The following XRCC4 variants were observed in gnomAD, a reference collection of about 807,000 sequenced individuals.
XRCC4 encodes X-ray repair cross complementing 4, also known as DNA repair protein XRCC4.
Under a neutral mutation model 39.1 loss-of-function variants are expected in XRCC4, and 28 were observed. That is an observed-to-expected ratio of 0.72 (90% CI 0.53 to 0.98). The LOEUF (loss-of-function observed/expected upper bound fraction) is 0.98, where lower values mean the gene tolerates loss of function less well. XRCC4 is among the 50% of genes least tolerant of loss of function. XRCC4 has a pLI of 0.00. For synonymous variants in XRCC4, 123 were observed against 126.4 expected (o/e 0.97, Z 0.18); for missense variants, 350 against 376.4 (o/e 0.93, Z 0.58).
the XRCC4 span, among the ~76,000 whole-genome samples, chr5:83,366,629 CTG>C: frequency 6.6e-6 from 1 of 152,174 alleles, no homozygotes; most frequent in Non-Finnish European, 1.5e-5. Flanking sequence ...TTACAAGACT[CTG>C]AGAATAATCC....
rs1286116431 is a variant in XRCC4 at position 83,128,803 on chromosome 5, C to T, written c.315+17600C>T. Among the ~76,000 whole-genome samples, 17 of 152,162 alleles carry T rather than the reference C, an allele frequency of 1.1e-4. No homozygotes were observed. The South Asian group carries it at 1.9e-3, about 17-fold the overall frequency. ...AGAAGTGTCTGTTCATATCCTTTGC[C>T]CACTTTTTGATGGGGTTGTTTGATT... On this transcript the variant is annotated intron_variant, in intron 3 of 7. Coordinates refer to ENST00000396027, the MANE Select transcript of XRCC4 (RefSeq NM_003401.5).
intron 3 of XRCC4, among the ~76,000 whole-genome samples, chr5:83,121,868 ATACT>A (rs1360165911): frequency 6.7e-6 from 1 of 148,772 alleles, no homozygotes; most frequent in Non-Finnish European, 1.5e-5. Flanking sequence ...ATTTTTGTAC[ATACT>A]TTAAGGTATG....
At chr5:83,232,166 A>G (rs931910831) in intron 6 of XRCC4, among the ~76,000 whole-genome samples, 8 of 152,094 alleles carry the variant, frequency 5.3e-5, no homozygotes, top group Non-Finnish European at 1.0e-4. Flanking sequence ...TTTCAGAAAG[A>G]TAAACAGCCA....
intron 1 of XRCC4, among the ~76,000 whole-genome samples, chr5:83,092,876 T>C (rs1745492667): frequency 6.6e-6 from 1 of 151,908 alleles, no homozygotes; most frequent in South Asian, 2.1e-4. Context: ...AAACAAAATA[T>C]CTTCAAGAAA....
chr5:83,273,161 T>G (rs1174574041), intron 7 of XRCC4, among the ~76,000 whole-genome samples: 1 of 152,260 alleles, frequency 6.6e-6, no homozygotes, highest in Non-Finnish European at 1.5e-5. Flanking sequence ...TCATTTGCAT[T>G]TCTCTAATGG....
At chr5:83,202,261 G>A (rs1038569983) in intron 4 of XRCC4, 3 of 152,124 alleles carry the variant, frequency 2.0e-5, no homozygotes, top group East Asian at 1.9e-4. Flanking sequence ...CACTTTATTC[G>A]TTTGTCTAAT....
intron 7 of XRCC4, among the ~76,000 whole-genome samples, chr5:83,309,431 C>T (rs2112086049): frequency 6.7e-6 from 1 of 149,998 alleles, no homozygotes; most frequent in Admixed American, 6.7e-5. Context: ...ATGTGGTTTC[C>T]ATATGCTTTT....
chr5:83,120,516 TAGAATTTC>T, intron 3 of XRCC4, among the ~76,000 whole-genome samples: 1 of 152,348 alleles, frequency 6.6e-6, no homozygotes, highest in East Asian at 1.9e-4. Flanking sequence ...TTACATGTTT[TAGAATTTC>T]ATGTGAATGG....
At chr5:83,114,594 C>T (rs547644182) in intron 3 of XRCC4, among the ~76,000 whole-genome samples, 1 of 152,326 alleles carries the variant, frequency 6.6e-6, no homozygotes, top group East Asian at 1.9e-4. Flanking sequence ...TCTGTATTAG[C>T]ATTTTGTTCC....
At chr5:83,153,987 CAT>C (rs1428920254) in intron 3 of XRCC4, among the ~76,000 whole-genome samples, 1 of 152,198 alleles carries the variant, frequency 6.6e-6, no homozygotes, top group Non-Finnish European at 1.5e-5. Context: ...ATTTACCTCT[CAT>C]AATGTGCTGT....
chr5:83,292,629 T>C (rs934288766), intron 7 of XRCC4, among the ~76,000 whole-genome samples: 6 of 152,002 alleles, frequency 3.9e-5, no homozygotes, highest in African/African-American at 7.2e-5. Context: ...AATTAATGAA[T>C]AGTTCTGCAA....
chr5:83,235,975 A>G (rs1752672403), intron 6 of XRCC4, among the ~76,000 whole-genome samples: 1 of 152,142 alleles, frequency 6.6e-6, no homozygotes, highest in African/African-American at 2.4e-5. Context: ...TAAGGTAGCT[A>G]CAAATGAAAT....
intron 7 of XRCC4, among the ~76,000 whole-genome samples, chr5:83,315,794 T>C (rs917247687): frequency 6.6e-5 from 10 of 152,164 alleles, no homozygotes; most frequent in Admixed American, 2.6e-4. Context: ...ATGCACCTAG[T>C]CATCCAAGAC....
chr5:83,115,234 G>T (rs1195983934), intron 3 of XRCC4, among the ~76,000 whole-genome samples: 2 of 152,024 alleles, frequency 1.3e-5, no homozygotes, highest in African/African-American at 4.8e-5. Context: ...TCCAGACCAG[G>T]CTGACCAACA....
intron 4 of XRCC4, chr5:83,201,350 C>G (rs1284502488): frequency 6.6e-6 from 1 of 152,330 alleles, no homozygotes; most frequent in Admixed American, 6.5e-5. Flanking sequence ...ACTGGGCAAG[C>G]CCACTGCATT....
intron 4 of XRCC4, among the ~76,000 whole-genome samples, chr5:83,198,484 T>A (rs1250477444): frequency 1.3e-5 from 2 of 152,108 alleles, no homozygotes; most frequent in East Asian, 3.8e-4. Context: ...ATAAACAATA[T>A]CCCATTGTTT....
At chr5:83,171,131 C>T (rs946811853) in intron 3 of XRCC4, among the ~76,000 whole-genome samples, 1 of 152,102 alleles carries the variant, frequency 6.6e-6, no homozygotes, top group Non-Finnish European at 1.5e-5. Context: ...AATTTCCCCA[C>T]TCTGCTTGCT....
intron 6 of XRCC4, among the ~76,000 whole-genome samples, chr5:83,246,618 G>A (rs540132934): frequency 6.6e-6 from 1 of 152,158 alleles, no homozygotes; most frequent in African/African-American, 2.4e-5. Flanking sequence ...TTTTCTAAAT[G>A]TCAGTTTATT....
At chr5:83,099,646 A>G (rs1561324480) in intron 1 of XRCC4, among the ~76,000 whole-genome samples, 1 of 152,180 alleles carries the variant, frequency 6.6e-6, no homozygotes, top group Non-Finnish European at 1.5e-5. Context: ...CTGAACTCTC[A>G]ATAAAGCTAC....
Sources: allele counts gnomAD v4.1 joint callset (sites outside exome capture counted in the v4.1 genomes callset), GRCh38; gene constraint gnomAD v4.1.1; transcripts MANE v1.5; gene names NCBI Gene and HGNC (gene_info 2026-07-23, HGNC 2026-07-21).